Variants in PPM1L observed in about 807,000 individuals in gnomAD.
PPM1L encodes the protein protein phosphatase 1L.
PPM1L carries 13 observed loss-of-function variants against 31.4 expected under a neutral mutation model. The observed-to-expected ratio is 0.41, with a 90% CI of 0.27 to 0.66. PPM1L has a LOEUF of 0.66. Ranked by LOEUF, PPM1L falls within the 30% of genes least tolerant of loss-of-function variation. The probability of loss-of-function intolerance (pLI) is 0.29; values close to 1 mark genes in which losing one functional copy is unlikely to be tolerated. For synonymous variants in PPM1L, 184 were observed against 175.4 expected, an observed-to-expected ratio of 1.05 and a Z score of -0.39; for missense variants, 326 against 453.7, an observed-to-expected ratio of 0.72 and a Z score of 2.56.
At chr3:160,985,353 G>A (rs1288296948) in intron 2 of PPM1L, among the ~76,000 whole-genome samples, 1 of 152,088 alleles carries the variant, frequency 6.6e-6, no homozygotes, top group Non-Finnish European at 1.5e-5. Flanking sequence ...ATTTTAAAGG[G>A]TAAGACTAGT....
rs1720070148 is a variant in PPM1L, at chr3:161,075,535, G to A, written c.*6378G>A. The A allele has an allele frequency of 4.6e-5, 7 of 152,072 alleles. No homozygotes were observed. Among genetic ancestry groups the A allele is most frequent in the Admixed American group, 4.6e-4 (7 of 15,274 alleles). 9.4% of individuals were successfully genotyped at this position (152,072 alleles called of 1,614,324 possible). ...TAAAGCTTCCTTTTGTAGGACTGAT[G>A]GCACGGGCAGAATCACATTTAAGAA... On this transcript the variant is annotated 3_prime_UTR_variant, in exon 4 of 4. Coordinates refer to ENST00000498165, the MANE Select transcript of PPM1L (RefSeq NM_139245.4).
rs1385406394 is a variant in PPM1L at position 161,075,759 on chromosome 3, G to A, written c.*6602G>A. 6.6e-6 allele frequency: 1 copy of A among 152,130 alleles called. No homozygotes were observed. The highest frequency in any genetic ancestry group is 2.1e-4 in the South Asian group (1 of 4,836). 9.4% of individuals were successfully genotyped at this position (152,130 alleles called of 1,614,324 possible). ...CATGAATTATGCTTTCTGTACTTACGCTCTTAGTGAAGGAGATAACATTGA... is the reference window on the plus strand; with the variant it reads ...CATGAATTATGCTTTCTGTACTTACACTCTTAGTGAAGGAGATAACATTGA... On this transcript the variant is annotated 3_prime_UTR_variant, in exon 4 of 4. Coordinates refer to ENST00000498165, the MANE Select transcript of PPM1L (RefSeq NM_139245.4).
chr3:160,942,150 A>G (rs1576729217), intron 1 of PPM1L, among the ~76,000 whole-genome samples: 1 of 152,238 alleles, frequency 6.6e-6, no homozygotes, highest in Admixed American at 6.5e-5. Flanking sequence ...GAAGTTTAAG[A>G]TTATTACTGC....
intron 1 of PPM1L, among the ~76,000 whole-genome samples, chr3:160,894,254 T>C (rs905167145): frequency 1.3e-5 from 2 of 152,186 alleles, no homozygotes; most frequent in African/African-American, 2.4e-5. Context: ...ATTTAGACCA[T>C]TGGTTTCTGT....
intron 1 of PPM1L, among the ~76,000 whole-genome samples, chr3:160,791,039 G>A (rs912393623): frequency 1.3e-5 from 2 of 152,082 alleles, no homozygotes; most frequent in African/African-American, 2.4e-5. Flanking sequence ...CTTTTGACTT[G>A]TAAACATTCT....
rs140287679 is a variant in PPM1L, at chr3:160,841,478, C to T, written c.399+84771C>T. 4.9e-4 allele frequency among the ~76,000 whole-genome samples: 75 copies of T among 152,212 alleles called. No homozygotes were observed. The East Asian group carries it at 0.01, about 21-fold the overall frequency. ...TAATATGAAATGGTGATTGCCAGTA[C>T]AGCCCAACTGTATATTTTCAGTTTG... On this transcript the variant is annotated intron_variant, in intron 1 of 3. Coordinates refer to ENST00000498165, the MANE Select transcript of PPM1L (RefSeq NM_139245.4).
At chr3:160,970,876 G>A (rs1716316045) in intron 2 of PPM1L, among the ~76,000 whole-genome samples, 2 of 143,658 alleles carry the variant, frequency 1.4e-5, no homozygotes, top group Non-Finnish European at 3.0e-5. Context: ...TGCAGGCTCC[G>A]CCCCCTGGGG....
At chr3:161,021,387 G>A (rs992620561) in intron 2 of PPM1L, among the ~76,000 whole-genome samples, 1 of 151,910 alleles carries the variant, frequency 6.6e-6, no homozygotes, top group Non-Finnish European at 1.5e-5. Flanking sequence ...TGTGGTCAGA[G>A]AACATACTTA....
intron 1 of PPM1L, among the ~76,000 whole-genome samples, chr3:160,827,631 A>G (rs11706059): frequency 5.9e-5 from 9 of 152,174 alleles, no homozygotes; most frequent in Non-Finnish European, 8.8e-5. Context: ...TGGCCAAATC[A>G]TAATGCCTGA....
At chr3:161,026,038 A>G (rs1227741657) in intron 2 of PPM1L, among the ~76,000 whole-genome samples, 1 of 152,212 alleles carries the variant, frequency 6.6e-6, no homozygotes. Context: ...TAAAAGAAAT[A>G]TAATTAAGAC....
At chr3:161,038,146 A>G (rs1354562631) in intron 2 of PPM1L, among the ~76,000 whole-genome samples, 1 of 148,680 alleles carries the variant, frequency 6.7e-6, no homozygotes, top group East Asian at 2.1e-4. Flanking sequence ...AGGCAGGAGA[A>G]TGGCGTGAAC....
In PPM1L at chr3:160,818,753, C is replaced by G. The variant is rs1713069897; in HGVS notation, c.399+62046C>G. Among the ~76,000 whole-genome samples the G allele has an allele frequency of 2.0e-5, 3 of 151,804 alleles. No individual in the cohort carries two copies. The South Asian group carries it at 6.2e-4, about 32-fold the overall frequency. On this transcript the variant is annotated intron_variant, in intron 1 of 3. Coordinates refer to ENST00000498165, the MANE Select transcript of PPM1L (RefSeq NM_139245.4). Reference sequence around the variant, plus strand: ...TAATTATACTTATGTATGGGGTATACTGTGATGTTTTGATACATGTATATA... The same window carrying G: ...TAATTATACTTATGTATGGGGTATAGTGTGATGTTTTGATACATGTATATA...
chr3:160,936,633 G>A (rs1253962935), intron 1 of PPM1L, among the ~76,000 whole-genome samples: 1 of 152,122 alleles, frequency 6.6e-6, no homozygotes, highest in Non-Finnish European at 1.5e-5. Flanking sequence ...TTAGTTAATG[G>A]CAGAAACATT....
chr3:160,915,071 G>A (rs1221468818), intron 1 of PPM1L, among the ~76,000 whole-genome samples: 2 of 152,182 alleles, frequency 1.3e-5, no homozygotes, highest in African/African-American at 2.4e-5. Context: ...AATCAGGCAG[G>A]AGAAGGAAAT....
intron 1 of PPM1L, among the ~76,000 whole-genome samples, chr3:160,931,321 G>A (rs994655624): frequency 1.3e-5 from 2 of 152,176 alleles, no homozygotes; most frequent in Non-Finnish European, 2.9e-5. Flanking sequence ...CTCAAAGGTT[G>A]GAGAAATTGC....
At chr3:160,918,556 T>C (rs1714270832) in intron 1 of PPM1L, among the ~76,000 whole-genome samples, 1 of 152,230 alleles carries the variant, frequency 6.6e-6, no homozygotes, top group African/African-American at 2.4e-5. Flanking sequence ...AAACTATGCA[T>C]AAATATTCTA....
At chr3:160,822,734 C>T (rs1016109055) in intron 1 of PPM1L, among the ~76,000 whole-genome samples, 5 of 152,112 alleles carry the variant, frequency 3.3e-5, no homozygotes, top group Admixed American at 2.6e-4. Context: ...AGCATGCATC[C>T]ATTTGTAAGA....
At chr3:160,872,177 T>G (rs1712331746) in intron 1 of PPM1L, among the ~76,000 whole-genome samples, 1 of 152,258 alleles carries the variant, frequency 6.6e-6, no homozygotes, top group African/African-American at 2.4e-5. Flanking sequence ...TTTCTGTCAG[T>G]TTTTGGGGGC....
intron 2 of PPM1L, among the ~76,000 whole-genome samples, chr3:161,031,502 C>CTTATTTTTTTTTTT (rs1718564545): frequency 9.8e-6 from 1 of 101,686 alleles, no homozygotes; most frequent in African/African-American, 4.4e-5. Context: ...GTATTCTGTC[C>CTTATTTTTTTTTTT]TTTTTTTTTT....
Sources: allele counts gnomAD v4.1 joint callset (sites outside exome capture counted in the v4.1 genomes callset), GRCh38; gene constraint gnomAD v4.1.1; transcripts MANE v1.5; gene names NCBI Gene and HGNC (gene_info 2026-07-23, HGNC 2026-07-21).